Variants in SLC1A4 observed in about 807,000 individuals in gnomAD.
SLC1A4 encodes the protein solute carrier family 1 member 4, also known as neutral amino acid transporter A.
SLC1A4 carries 19 observed loss-of-function variants against 37.7 expected under a neutral mutation model. That is an observed-to-expected ratio of 0.50 (90% CI 0.35 to 0.74). SLC1A4 has a LOEUF of 0.74. Ranked by LOEUF, SLC1A4 falls within the 30% of genes least tolerant of loss-of-function variation. The pLI is 0.01. For synonymous variants in SLC1A4, 299 were observed against 309.8 expected, an observed-to-expected ratio of 0.97 and a Z score of 0.37; for missense variants, 570 against 712.9, an observed-to-expected ratio of 0.80 and a Z score of 2.28.
intron 1 of SLC1A4, among the ~76,000 whole-genome samples, chr2:64,991,230 C>G (rs1673037440): frequency 6.6e-6 from 1 of 152,144 alleles, no homozygotes; most frequent in South Asian, 2.1e-4. Context: ...TTCCATTTCT[C>G]CTTCTGGAAA....
rs1251452653 is a variant in SLC1A4 at position 65,018,810 on chromosome 2, G to A, written c.1364+131G>A. Reference sequence around the variant, plus strand: ...GCCTTGTGAAGGAGGCTACAGTGGAGCTAAAAGGGCAAGATTTAGAGCTAG... The same window carrying A: ...GCCTTGTGAAGGAGGCTACAGTGGAACTAAAAGGGCAAGATTTAGAGCTAG... On this transcript the variant is annotated intron_variant, in intron 7 of 7. Transcript: ENST00000234256. The surrounding 1 kb of genome is among the most constrained non-coding windows in gnomAD (Gnocchi z 4.3). 11 of 1,022,186 alleles carry A rather than the reference G, an allele frequency of 1.1e-5. No homozygotes were observed. Among genetic ancestry groups the A allele is most frequent in the Non-Finnish European group, 1.4e-5 (10 of 699,850 alleles). The allele number at this position is 1,022,186 out of a possible 1,614,324, so 63.3% of individuals were successfully genotyped here.
At chr2:64,995,282 T>C (rs1673209079) in intron 1 of SLC1A4, among the ~76,000 whole-genome samples, 2 of 152,192 alleles carry the variant, frequency 1.3e-5, no homozygotes, top group African/African-American at 4.8e-5. Flanking sequence ...TCTCTGTGCC[T>C]GAGTGTCCTT....
intron 3 of SLC1A4, among the ~76,000 whole-genome samples, chr2:65,004,971 A>G (rs1226117114): frequency 1.3e-5 from 2 of 152,242 alleles, no homozygotes; most frequent in African/African-American, 2.4e-5. Context: ...TATGTCTCAT[A>G]CTAGTGACCT....
At chr2:65,020,555 C>T (rs1199169153) in intron 7 of SLC1A4, among the ~76,000 whole-genome samples, 4 of 152,206 alleles carry the variant, frequency 2.6e-5, no homozygotes, top group African/African-American at 9.7e-5. Flanking sequence ...ACATGAGCCA[C>T]TGTGCCTGGC....
In SLC1A4 at chr2:65,021,653, G is replaced by A. The variant is rs553480525; in HGVS notation, c.*507G>A. 6.3e-6 allele frequency: 1 copy of A among 159,850 alleles called. No individual in the cohort carries two copies. The highest frequency in any genetic ancestry group is 1.4e-5 in the Non-Finnish European group (1 of 72,798). 9.9% of individuals were successfully genotyped at this position (159,850 alleles called of 1,614,324 possible). ...GAGCTGGGACTCAGGTGTTTAAAGAGTTTGTGCTATAGCTAGGTGTGGATA... is the reference window on the plus strand; with the variant it reads ...GAGCTGGGACTCAGGTGTTTAAAGAATTTGTGCTATAGCTAGGTGTGGATA... On this transcript the variant is annotated 3_prime_UTR_variant, in exon 8 of 8. Transcript: ENST00000234256.
rs897074833 is a variant in SLC1A4 at position 64,998,003 on chromosome 2, G to T, written c.528-3445G>T. On this transcript the variant is annotated intron_variant, in intron 1 of 7. Transcript: ENST00000234256. ...AATCCTAGCACTTTGGGAGGCTGAG[G>T]GGGGCAGATCACGAGGTCAGGAGAT... Among the ~76,000 whole-genome samples the T allele has an allele frequency of 2.0e-5, 3 of 152,142 alleles. No homozygotes were observed. In the South Asian group the frequency reaches 6.2e-4, roughly 32 times the overall value.
At chr2:65,003,039 T>C (rs1673537723) in intron 2 of SLC1A4, among the ~76,000 whole-genome samples, 1 of 152,194 alleles carries the variant, frequency 6.6e-6, no homozygotes, top group South Asian at 2.1e-4. Context: ...GTGACTTGTA[T>C]ATATAATGTG....
intron 5 of SLC1A4, 45 bp downstream of exon 5, chr2:65,016,718 A>G: frequency 5.2e-6 from 7 of 1,350,340 alleles, no homozygotes; most frequent in Non-Finnish European, 7.4e-6. Flanking sequence ...CCATGTTAAC[A>G]TGGAACCAGG....
intron 4 of SLC1A4, among the ~76,000 whole-genome samples, chr2:65,012,589 G>A (rs1169585680): frequency 6.6e-6 from 1 of 152,200 alleles, no homozygotes; most frequent in Non-Finnish European, 1.5e-5. Context: ...GAAAATTCCA[G>A]AGCCTGACTC....
chr2:65,006,181 G>C (rs1456834876), intron 3 of SLC1A4, among the ~76,000 whole-genome samples: 1 of 152,086 alleles, frequency 6.6e-6, no homozygotes, highest in Non-Finnish European at 1.5e-5. Flanking sequence ...ATTTCACCCA[G>C]GCATTTAAGG....
chr2:65,022,422 T>C lies in SLC1A4; in HGVS notation c.*1276T>C, dbSNP rs1476658560. On this transcript the variant is annotated 3_prime_UTR_variant, in exon 8 of 8. Coordinates refer to ENST00000234256, the MANE Select transcript of SLC1A4 (RefSeq NM_003038.5). ...CTGGGGCCTCACTTTACCCCATTTG[T>C]AAAATGGGGCTAATGTCACCTGCCT... 1 of 152,254 alleles carries C rather than the reference T, an allele frequency of 6.6e-6. No homozygotes were observed. 9.4% of individuals were successfully genotyped at this position (152,254 alleles called of 1,614,324 possible).
chr2:64,995,341 G>T (rs907662270), intron 1 of SLC1A4, among the ~76,000 whole-genome samples: 1 of 152,220 alleles, frequency 6.6e-6, no homozygotes, highest in East Asian at 1.9e-4. Context: ...TGGTTGTGAG[G>T]ATTAAATGAG....
chr2:65,000,667 G>A (rs1357287253), intron 1 of SLC1A4: 1 of 152,176 alleles, frequency 6.6e-6, no homozygotes, highest in Non-Finnish European at 1.5e-5. Context: ...TTTACAAGGA[G>A]TTACACTTCT....
chr2:65,023,281 T>TAC lies in SLC1A4; in HGVS notation c.*2139_*2140dup, dbSNP rs1286252929. On this transcript the variant is annotated 3_prime_UTR_variant, in exon 8 of 8. Coordinates refer to ENST00000234256, the MANE Select transcript of SLC1A4 (RefSeq NM_003038.5). ...CTTTTTTTCTTCCTTCATATATATA[T>TAC]ACACAACACACACACACATATGTAT... 3 of 151,952 alleles carry TAC rather than the reference T, an allele frequency of 2.0e-5. No homozygotes were observed. Among genetic ancestry groups the TAC allele is most frequent in the African/African-American group, 7.3e-5 (3 of 41,298 alleles). 9.4% of individuals were successfully genotyped at this position (151,952 alleles called of 1,614,324 possible). A position where few individuals can be genotyped will look rare whatever the true frequency, so the allele number is the denominator to read the frequency against.
upstream of SLC1A4, among the ~76,000 whole-genome samples, chr2:64,989,150 G>T (rs896659782): frequency 6.6e-6 from 1 of 151,758 alleles, no homozygotes; most frequent in African/African-American, 2.4e-5. Context: ...ATTGGCGCCA[G>T]GATTGGCCGG....
chr2:65,005,247 G>A (rs886354141), intron 3 of SLC1A4, among the ~76,000 whole-genome samples: 5 of 152,162 alleles, frequency 3.3e-5, no homozygotes, highest in East Asian at 3.8e-4. Flanking sequence ...ATTTCAGAAC[G>A]GATGGCATTC....
intron 3 of SLC1A4, among the ~76,000 whole-genome samples, chr2:65,006,211 G>A (rs1673664036): frequency 6.6e-6 from 1 of 152,092 alleles, no homozygotes; most frequent in African/African-American, 2.4e-5. Context: ...TTAAGAAAGA[G>A]GCTGGTGCAG....
upstream of SLC1A4, chr2:64,989,331 G>T (rs1251020022): frequency 2.0e-5 from 5 of 245,448 alleles, no homozygotes; most frequent in African/African-American, 6.7e-5. Context: ...GAAGTGAGCG[G>T]GCTGGGGCCG....
In SLC1A4 at chr2:65,023,549, C is replaced by G. The variant is rs1674514587; in HGVS notation, c.*2403C>G. The G allele has an allele frequency of 6.6e-6, 1 of 152,536 alleles. No individual in the cohort carries two copies. Among genetic ancestry groups the G allele is most frequent in the Admixed American group, 6.5e-5 (1 of 15,284 alleles). 9.4% of individuals were successfully genotyped at this position (152,536 alleles called of 1,614,324 possible). A position where few individuals can be genotyped will look rare whatever the true frequency, so the allele number is the denominator to read the frequency against. On this transcript the variant is annotated 3_prime_UTR_variant, in exon 8 of 8. Coordinates refer to ENST00000234256, the MANE Select transcript of SLC1A4 (RefSeq NM_003038.5). ...GACCATCCTGTGTCCTGGCCTGGCC[C>G]TGCAGTAAGAAGCGTGTCTGGGTCT... is the stretch of plus-strand genomic sequence containing the variant.
Sources: gnomAD v4.1 joint callset for allele counts (sites outside exome capture counted in the v4.1 genomes callset) on GRCh38, gnomAD v4.1.1 for gene constraint, Gnocchi (gnomAD v3.1) non-coding constraint, MANE v1.5 for transcripts, NCBI Gene and HGNC (gene_info 2026-07-23, HGNC 2026-07-21) for gene names.